SMC4: variants seen among roughly 807,000 people sequenced by gnomAD.
The protein encoded by SMC4 is structural maintenance of chromosomes protein 4.
A neutral mutation model predicts 145.6 loss-of-function variants in SMC4; 87 were observed. The observed-to-expected ratio is 0.60, with a 90% CI of 0.50 to 0.71. SMC4 has a LOEUF of 0.71. Ranked by LOEUF, SMC4 falls within the 30% of genes least tolerant of loss-of-function variation. The pLI is 0.00. For synonymous variants in SMC4, 558 were observed against 500.7 expected, an observed-to-expected ratio of 1.11 and a Z score of -1.53; for missense variants, 1,447 against 1,537.1, an observed-to-expected ratio of 0.94 and a Z score of 0.98.
At chr3:160,430,789 C>A (rs1443817572) in intron 19 of SMC4, 46 bp downstream of exon 19, 1 of 1,568,434 alleles carries the variant, frequency 6.4e-7, no homozygotes, top group Non-Finnish European at 8.6e-7. Flanking sequence ...GATACTGGAA[C>A]CAATTTAAAG....
intron 2 of SMC4, among the ~76,000 whole-genome samples, chr3:160,401,369 A>G (rs1484314837): frequency 3.9e-5 from 6 of 151,978 alleles, no homozygotes; most frequent in Non-Finnish European, 5.9e-5. Context: ...CCCTAACCTC[A>G]CCTCCGTGGT....
At chr3:160,401,491 C>T (rs1010184714) in intron 2 of SMC4, among the ~76,000 whole-genome samples, 1 of 152,170 alleles carries the variant, frequency 6.6e-6, no homozygotes, top group Non-Finnish European at 1.5e-5. Context: ...CGCTGAAGTT[C>T]ATGAGTTTCC....
At position 160,428,670 on chromosome 3, in the gene SMC4, T is replaced by G. The variant is rs1718056052; in HGVS notation, c.2606-83T>G. On this transcript the variant is annotated intron_variant, in intron 17 of 23. Transcript: ENST00000357388. The stretch of plus-strand genomic sequence containing the variant: ...TGTTTTAATGCATCACGTCAAGTCA[T>G]AGCAACTGAAGAAATGTACATCTAA... 4 of 1,310,912 alleles carry G rather than the reference T, an allele frequency of 3.1e-6. No homozygotes were observed. The South Asian group carries it at 4.2e-5, about 14-fold the overall frequency. The allele number at this position is 1,310,912 out of a possible 1,614,324, so 81.2% of individuals were successfully genotyped here. A position where few individuals can be genotyped will look rare whatever the true frequency, so the allele number is the denominator to read the frequency against.
At chr3:160,400,673 C>A in intron 1 of SMC4, 149 bp from the exon 2 acceptor site, 1 of 1,019,680 alleles carries the variant, frequency 9.8e-7, no homozygotes, top group Non-Finnish European at 1.3e-6. Flanking sequence ...TCGTGTCTTT[C>A]GATGGCTCCC....
rs567439637 is a variant in SMC4, at chr3:160,401,910, C to T, written c.140-5C>T. On this transcript the variant is annotated splice_polypyrimidine_tract_variant and splice_region_variant and intron_variant, in intron 2 of 23. Coordinates refer to ENST00000357388, the MANE Select transcript of SMC4 (RefSeq NM_001002800.3). ...CTTCGTTTTCCTTTCCTTTCACTGA[C>T]TTAGAGACTGCAAGTGAGGAACTTG... The T allele has an allele frequency of 1.9e-6, 3 of 1,597,682 alleles. No individual in the cohort carries two copies. The African/African-American group carries it at 4.1e-5, about 22-fold the overall frequency.
chr3:160,433,478 A>G, intron 23 of SMC4, 179 bp from the exon 24 acceptor site: 1 of 553,604 alleles, frequency 1.8e-6, no homozygotes, highest in Non-Finnish European at 3.1e-6. Context: ...CTTTTCCACT[A>G]GAAGTCAAAA....
chr3:160,429,022 A>C (rs1480142869), intron 18 of SMC4, 80 bp downstream of exon 18: 14 of 1,190,300 alleles, frequency 1.2e-5, no homozygotes, highest in Non-Finnish European at 1.6e-5. Flanking sequence ...GTAATGTTCC[A>C]TAAAATGTTT....
chr3:160,405,332 T>A (rs1386251346), intron 5 of SMC4, among the ~76,000 whole-genome samples: 1 of 137,194 alleles, frequency 7.3e-6, no homozygotes. Flanking sequence ...AAAAAAAAAA[T>A]TAGGGTAAAA....
chr3:160,432,166 C>G (rs1295882941), intron 21 of SMC4, 117 bp from the exon 22 acceptor site: 1 of 790,470 alleles, frequency 1.3e-6, no homozygotes, highest in Non-Finnish European at 2.0e-6. Flanking sequence ...CGCGCCATTG[C>G]ACTCCAGCCT....
At chr3:160,429,228 G>A (rs1018535690) in intron 18 of SMC4, among the ~76,000 whole-genome samples, 3 of 152,142 alleles carry the variant, frequency 2.0e-5, no homozygotes, top group Admixed American at 6.5e-5. Context: ...CTCTGGTCTC[G>A]GGGAGGGAGT....
At chr3:160,430,319 T>C (rs1718258999) in intron 18 of SMC4, among the ~76,000 whole-genome samples, 1 of 152,158 alleles carries the variant, frequency 6.6e-6, no homozygotes, top group Admixed American at 6.6e-5. Context: ...ACAAAAGAAT[T>C]TGATAATCTA....
rs553491786 is a variant in SMC4 at position 160,412,279 on chromosome 3, G to T, written c.853-47G>T. 15 of 1,519,060 alleles carry T rather than the reference G, an allele frequency of 9.9e-6. No homozygotes were observed. The African/African-American group carries it at 1.8e-4, about 18-fold the overall frequency. 94.1% of individuals were successfully genotyped at this position (1,519,060 alleles called of 1,614,324 possible). The stretch of plus-strand genomic sequence containing the variant: ...TGTTTGCATATTTTAAGTTCATATT[G>T]TACATATGAAGTGTGTATTCAGTCT... On this transcript the variant is annotated intron_variant, in intron 6 of 23. Coordinates refer to ENST00000357388, the MANE Select transcript of SMC4 (RefSeq NM_001002800.3).
chr3:160,417,441 C>T (rs1400645786), intron 10 of SMC4, among the ~76,000 whole-genome samples: 1 of 152,128 alleles, frequency 6.6e-6, no homozygotes, highest in African/African-American at 2.4e-5. Context: ...GTGCCCTGCA[C>T]CCCATGTTAA....
chr3:160,422,665 A>G (rs1326218288), intron 13 of SMC4, among the ~76,000 whole-genome samples: 2 of 152,016 alleles, frequency 1.3e-5, no homozygotes, highest in African/African-American at 4.8e-5. Context: ...TTGAGGCACA[A>G]TTTATCTTTT....
chr3:160,411,511 T>C (rs1367263634), intron 5 of SMC4, among the ~76,000 whole-genome samples: 1 of 152,180 alleles, frequency 6.6e-6, no homozygotes, highest in Admixed American at 6.5e-5. Flanking sequence ...GAACAGGAGC[T>C]TCAATTGTGT....
In SMC4 at chr3:160,417,840, C is replaced by CAATT; in HGVS notation, c.1558_1561dup (p.Thr521IlefsTer3). 6.2e-7 allele frequency: 1 copy of CAATT among 1,613,704 alleles called. No individual in the cohort carries two copies. Among genetic ancestry groups the CAATT allele is most frequent in the Non-Finnish European group, 8.5e-7 (1 of 1,179,794 alleles). Reference sequence around the variant, plus strand: ...CAGTCGTCATAATACTGCAGTGTCTCAATTAACTAAGGCTAAGGAAGCTCT... The same window carrying CAATT: ...CAGTCGTCATAATACTGCAGTGTCTCAATTAATTAACTAAGGCTAAGGAAGCTCT... On this transcript the variant is annotated frameshift_variant, in exon 11 of 24. Transcript: ENST00000357388. LOFTEE classifies it high-confidence loss of function.
chr3:160,426,261 A>G (rs1038689625), intron 17 of SMC4, 61 bp downstream of exon 17: 3 of 1,220,224 alleles, frequency 2.5e-6, no homozygotes, highest in South Asian at 2.7e-5. Flanking sequence ...AAAGCTTGCA[A>G]TATTTAAGAA....
At chr3:160,428,635 G>T in intron 17 of SMC4, 118 bp from the exon 18 acceptor site, 1 of 812,294 alleles carries the variant, frequency 1.2e-6, no homozygotes, top group Non-Finnish European at 1.9e-6. Flanking sequence ...TTTCCCATAT[G>T]CCTAAAATTT....
chr3:160,416,420 GT>G lies in SMC4; in HGVS notation c.1437+17del, dbSNP rs572963988. On this transcript the variant is annotated splice_donor_region_variant and intron_variant, in intron 10 of 23. Coordinates refer to ENST00000357388, the MANE Select transcript of SMC4 (RefSeq NM_001002800.3). ...GGGCTTCAGAAAGAAAAAGAAGTAA[GT>G]TTTTTTTTTTTATCAGTGTTTATTT... 8.3e-3 allele frequency: 8,931 copies of G among 1,079,716 alleles called. 2 individuals are homozygous for G. Among genetic ancestry groups the G allele is most frequent in the South Asian group, 0.015 (665 of 43,288 alleles). The allele number at this position is 1,079,716 out of a possible 1,614,324, so 66.9% of individuals were successfully genotyped here.
Sources: gnomAD v4.1 joint callset for allele counts (sites outside exome capture counted in the v4.1 genomes callset) on GRCh38, gnomAD v4.1.1 for gene constraint, MANE v1.5 for transcripts, NCBI Gene and HGNC (gene_info 2026-07-23, HGNC 2026-07-21) for gene names.